Variants in RELCH observed in about 807,000 individuals in gnomAD.
The protein encoded by RELCH is RAB11 binding and LisH domain, coiled-coil and HEAT repeat containing.
RELCH carries 41 observed loss-of-function variants against 150.3 expected under a neutral mutation model. The ratio of observed to expected loss-of-function variants is 0.27; its 90% confidence interval spans 0.21 to 0.35. The LOEUF (loss-of-function observed/expected upper bound fraction) is 0.35. RELCH is among the 10% of genes least tolerant of loss of function. RELCH has a pLI of 1.00. For synonymous variants in RELCH, 478 were observed against 531.8 expected, an observed-to-expected ratio of 0.90 and a Z score of 1.39; for missense variants, 1,092 against 1,467.8, an observed-to-expected ratio of 0.74 and a Z score of 4.18.
chr18:62,205,295 C>A (rs1203319269), intron 1 of RELCH, among the ~76,000 whole-genome samples: 1 of 152,046 alleles, frequency 6.6e-6, no homozygotes, highest in Non-Finnish European at 1.5e-5. Context: ...AAAGAATGTA[C>A]CTGTAGTAAC....
At chr18:62,211,581 A>G (rs1416650850) in intron 2 of RELCH, among the ~76,000 whole-genome samples, 1 of 152,240 alleles carries the variant, frequency 6.6e-6, no homozygotes, top group Non-Finnish European at 1.5e-5. Flanking sequence ...ACCAGGGCTG[A>G]TAGTCATATT....
chr18:62,189,174 A>G (rs1435914225), intron 1 of RELCH, among the ~76,000 whole-genome samples: 5 of 151,892 alleles, frequency 3.3e-5, no homozygotes, highest in Non-Finnish European at 7.4e-5. Flanking sequence ...TTTCGGGAAA[A>G]GATTTTCTCA....
intron 1 of RELCH, among the ~76,000 whole-genome samples, chr18:62,190,090 A>G (rs1473371416): frequency 2.0e-5 from 3 of 152,236 alleles, no homozygotes; most frequent in Admixed American, 2.0e-4. Context: ...CTTTAATGGT[A>G]GTTGCCTTAC....
chr18:62,212,113 G>A (rs866946704), intron 2 of RELCH, among the ~76,000 whole-genome samples: 1 of 152,222 alleles, frequency 6.6e-6, no homozygotes, highest in East Asian at 1.9e-4. Flanking sequence ...AGGGACTTCA[G>A]AGGATCAGTT....
intron 26 of RELCH, 87 bp from the exon 27 acceptor site, chr18:62,291,456 G>C: frequency 1.5e-6 from 1 of 678,084 alleles, no homozygotes; most frequent in Non-Finnish European, 2.5e-6. Flanking sequence ...ATATAAGAAG[G>C]CTTCTCTTTT....
At chr18:62,268,093 T>G (rs905219400) in intron 19 of RELCH, among the ~76,000 whole-genome samples, 10 of 152,052 alleles carry the variant, frequency 6.6e-5, no homozygotes, top group Non-Finnish European at 1.0e-4. Context: ...AGAAAATAAT[T>G]TAAAGCCATA....
chr18:62,263,918 C>T (rs1015117767), intron 16 of RELCH, 71 bp from the exon 17 acceptor site: 2 of 1,252,360 alleles, frequency 1.6e-6, no homozygotes, highest in Admixed American at 4.4e-5. Flanking sequence ...CCTTATTTTC[C>T]TTTCAACAGA....
chr18:62,218,744 G>A (rs2040641176), intron 2 of RELCH, among the ~76,000 whole-genome samples: 1 of 151,884 alleles, frequency 6.6e-6, no homozygotes, highest in Non-Finnish European at 1.5e-5. Flanking sequence ...AGCAGAGTTG[G>A]ACTATGAGCC....
Position 62,187,703 on chromosome 18 carries a change from T to C in RELCH, c.198T>C (p.Ser66=). 1 of 1,597,344 alleles carries C rather than the reference T, an allele frequency of 6.3e-7. No homozygotes were observed. The highest frequency in any genetic ancestry group is 8.6e-7 in the Non-Finnish European group (1 of 1,168,800). ...SPQDPVALGS[S]ARPGLPGEAS... ...AGGATCCCGTGGCCTTAGGAAGCAG[T>C]GCGCGGCCAGGGCTCCCTGGGGAGG... The change falls in exon 1 of 29, where the codon AGT becomes AGC. Residue 66 remains serine, a synonymous_variant. Coordinates refer to ENST00000644646, the MANE Select transcript of RELCH (RefSeq NM_001346231.2).
chr18:62,196,512 G>T (rs2039061450), intron 1 of RELCH, among the ~76,000 whole-genome samples: 2 of 152,228 alleles, frequency 1.3e-5, no homozygotes, highest in Admixed American at 1.3e-4. Context: ...TTACAGGCGT[G>T]AGCCACTGCG....
At chr18:62,267,442 G>T (rs556532327) in intron 19 of RELCH, among the ~76,000 whole-genome samples, 36 of 149,212 alleles carry the variant, frequency 2.4e-4, no homozygotes, top group African/African-American at 8.4e-4. Flanking sequence ...GTATGTGTGT[G>T]TGTGTGTGTG....
chr18:62,221,410 A>G lies in RELCH; in HGVS notation c.771A>G (p.Arg257=). ...IQEPIKPLEK[R]ALNFLVNEFL... ...AGCCAATCAAACCTCTTGAAAAGAG[A>G]GCTCTAAACTTCTTAGTCAATGAAT... Residue 257 remains arginine, a synonymous_variant, in exon 5 of 29, where the codon AGA becomes AGG. Coordinates refer to ENST00000644646, the MANE Select transcript of RELCH (RefSeq NM_001346231.2). 2 of 1,600,634 alleles carry G rather than the reference A, an allele frequency of 1.2e-6. No homozygotes were observed. Among genetic ancestry groups the G allele is most frequent in the South Asian group, 1.1e-5 (1 of 89,372 alleles).
chr18:62,188,586 T>A (rs1291899212), intron 1 of RELCH, among the ~76,000 whole-genome samples: 3 of 152,234 alleles, frequency 2.0e-5, no homozygotes, highest in Non-Finnish European at 2.9e-5. Flanking sequence ...ATAAAGTTGA[T>A]GTAATTCAGT....
At chr18:62,261,479 C>A (rs779720806) in intron 15 of RELCH, 32 bp from the exon 16 acceptor site, 1 of 1,602,526 alleles carries the variant, frequency 6.2e-7, no homozygotes, top group South Asian at 1.1e-5. Flanking sequence ...CTTCAAAAGA[C>A]TAAAATTAGC....
At chr18:62,287,897 A>G (rs1412252859) in intron 26 of RELCH, among the ~76,000 whole-genome samples, 1 of 152,158 alleles carries the variant, frequency 6.6e-6, no homozygotes, top group Non-Finnish European at 1.5e-5. Context: ...TTAGAGAGAT[A>G]TCACACATTG....
At chr18:62,239,964 A>G (rs1264196298) in intron 10 of RELCH, among the ~76,000 whole-genome samples, 4 of 152,018 alleles carry the variant, frequency 2.6e-5, no homozygotes, top group Non-Finnish European at 5.9e-5. Context: ...AATGTAATAT[A>G]TATTTGGATA....
At chr18:62,267,626 T>C (rs2144764571) in intron 19 of RELCH, among the ~76,000 whole-genome samples, 1 of 151,714 alleles carries the variant, frequency 6.6e-6, no homozygotes, top group Admixed American at 6.6e-5. Flanking sequence ...AAATTAATTC[T>C]TTTAAGCCTG....
At position 62,187,756 on chromosome 18, in the gene RELCH, G is replaced by T. The variant is rs964313143; in HGVS notation, c.251G>T (p.Gly84Val). 3 of 1,611,524 alleles carry T rather than the reference G, an allele frequency of 1.9e-6. No homozygotes were observed. Among genetic ancestry groups the T allele is most frequent in the Non-Finnish European group, 2.5e-6 (3 of 1,178,816 alleles). ...TCGGCGGCTGCAGTGGCCCTGGGGGGCACCGGGGAGACCCCGGCCCGATTA... is the reference window on the plus strand; with the variant it reads ...TCGGCGGCTGCAGTGGCCCTGGGGGTCACCGGGGAGACCCCGGCCCGATTA... ...EASAAAVALG[G>V]TGETPARLSI... Residue 84 changes from glycine (G) to valine (V), a missense_variant, in exon 1 of 29, where the codon GGC (glycine) becomes GTC (valine). Around this residue, in one of 4 missense-constraint regions of RELCH, gnomAD observed 138 missense variants for 124.8 expected, o/e 1.11. Transcript: ENST00000644646.
chr18:62,256,095 T>C (rs958857117), intron 13 of RELCH, among the ~76,000 whole-genome samples: 3 of 152,074 alleles, frequency 2.0e-5, no homozygotes, highest in African/African-American at 4.8e-5. Flanking sequence ...CTTTGCTGCA[T>C]ACTGAAAAAT....
Sources: gnomAD v4.1 joint callset for allele counts (sites outside exome capture counted in the v4.1 genomes callset) on GRCh38, gnomAD v4.1.1 for gene constraint, gnomAD v4.1.1 regional missense constraint, MANE v1.5 for transcripts, NCBI Gene and HGNC (gene_info 2026-07-23, HGNC 2026-07-21) for gene names.